SPG11: variants seen among roughly 807,000 people sequenced by gnomAD.
SPG11 encodes the protein SPG11 vesicle trafficking associated, spatacsin.
SPG11 carries 222 observed loss-of-function variants against 274.0 expected under a neutral mutation model. The observed-to-expected ratio is 0.81, with a 90% CI of 0.73 to 0.91. SPG11 has a LOEUF of 0.91. Among genes scored for constraint, SPG11 ranks in the 40% least tolerant of loss-of-function variants. SPG11 has a pLI of 0.00. For missense variants in SPG11, 3,114 were observed against 2,872.7 expected (o/e 1.08, Z -1.92); for synonymous variants, 1,144 against 1,039.7 (o/e 1.10, Z -1.93).
intron 29 of SPG11, 101 bp from the exon 30 acceptor site, chr15:44,584,659 C>T (rs537390318): frequency 7.2e-7 from 1 of 1,385,002 alleles, no homozygotes; most frequent in East Asian, 2.3e-5. Flanking sequence ...GACAGGGTCT[C>T]AGTCTGTCAC....
At chr15:44,637,783 C>T (rs146015314) in intron 7 of SPG11, among the ~76,000 whole-genome samples, 5 of 152,238 alleles carry the variant, frequency 3.3e-5, no homozygotes, top group African/African-American at 9.6e-5. Flanking sequence ...GCTATACTTT[C>T]GTTATTTTAG....
At chr15:44,656,332 GA>G (rs1024051816) in intron 4 of SPG11, among the ~76,000 whole-genome samples, 2 of 152,132 alleles carry the variant, frequency 1.3e-5, no homozygotes, top group African/African-American at 4.8e-5. Context: ...TGTGAAGGCA[GA>G]AAAAAAGATT....
chr15:44,658,340 T>A (rs1730913906), intron 3 of SPG11, among the ~76,000 whole-genome samples: 2 of 152,176 alleles, frequency 1.3e-5, no homozygotes, highest in African/African-American at 4.8e-5. Context: ...AAAGAACCCA[T>A]AATATTTTCT....
chr15:44,648,974 T>C lies in SPG11; in HGVS notation c.1494A>G (p.Gln498=), dbSNP rs760202776. The change falls in exon 7 of 40, where the codon CAA becomes CAG. Residue 498 remains glutamine (Q), a synonymous_variant. Transcript: ENST00000261866. ...TCATGAGTCTGTTTAAAAACTCTTC[T>C]TGAGTCAAACCAAACAAAATCAGAG... ...GLSLILFGLT[Q]EEFLNRLMIH... The C allele has an allele frequency of 6.2e-6, 10 of 1,613,904 alleles. No individual in the cohort carries two copies. Among genetic ancestry groups the C allele is most frequent in the Non-Finnish European group, 8.5e-6 (10 of 1,179,922 alleles).
rs756631982 is a variant in SPG11, at chr15:44,663,659, G to A, written c.-12C>T. ...TCCTCTGCAGCCATCTTGGCCCGGC[G>A]GTTACTTCCGGTCACTTTCGCCGGA... On this transcript the variant is annotated 5_prime_UTR_variant, in exon 1 of 40. Transcript: ENST00000261866. The A allele has an allele frequency of 2.2e-5, 35 of 1,586,162 alleles. No homozygotes were observed. In the South Asian group the frequency reaches 2.8e-4, roughly 13 times the overall value.
At position 44,595,128 on chromosome 15, in the gene SPG11, C is replaced by A. The variant is rs913176416; in HGVS notation, c.4635+131G>T. On this transcript the variant is annotated intron_variant, in intron 26 of 39. Coordinates refer to ENST00000261866, the MANE Select transcript of SPG11 (RefSeq NM_025137.4). The stretch of plus-strand genomic sequence containing the variant: ...CACTGCGCCTGGCCAGTAAGTGGTA[C>A]TTCTAATATTATCATCATTATCTGT... 86 of 929,000 alleles carry A rather than the reference C, an allele frequency of 9.3e-5. No individual in the cohort carries two copies. The Middle Eastern group carries it at 1.9e-3, about 21-fold the overall frequency. 57.5% of individuals were successfully genotyped at this position (929,000 alleles called of 1,614,324 possible). A position where few individuals can be genotyped will look rare whatever the true frequency, so the allele number is the denominator to read the frequency against.
At chr15:44,628,404 G>A (rs2083962910) in intron 10 of SPG11, among the ~76,000 whole-genome samples, 1 of 152,234 alleles carries the variant, frequency 6.6e-6, no homozygotes, top group Non-Finnish European at 1.5e-5. Context: ...CTTCACATGG[G>A]TTTAGAGTTG....
chr15:44,577,495 C>G (rs1298854324), intron 30 of SPG11, among the ~76,000 whole-genome samples: 3 of 133,578 alleles, frequency 2.2e-5, no homozygotes, highest in Non-Finnish European at 4.9e-5. Context: ...AGAGTGAGGC[C>G]CTATCTCAAA....
chr15:44,588,748 A>C (rs549631193), intron 28 of SPG11: 1 of 341,288 alleles, frequency 2.9e-6, no homozygotes, highest in East Asian at 8.9e-5. Context: ...CCGCGGGTAC[A>C]TAATTGCTCT....
At chr15:44,598,866 A>G in intron 21 of SPG11, 30 bp from the exon 22 acceptor site, 1 of 1,601,310 alleles carries the variant, frequency 6.2e-7, no homozygotes, top group Non-Finnish European at 8.6e-7. Context: ...AAATCACATC[A>G]GCACATGAAA....
At chr15:44,641,352 G>C (rs1223805526) in intron 7 of SPG11, among the ~76,000 whole-genome samples, 1 of 151,780 alleles carries the variant, frequency 6.6e-6, no homozygotes, top group Non-Finnish European at 1.5e-5. Context: ...AGTCATAAAG[G>C]AAAAGACTGA....
chr15:44,601,593 G>A (rs927295866), intron 20 of SPG11, among the ~76,000 whole-genome samples: 5 of 145,258 alleles, frequency 3.4e-5, no homozygotes, highest in Non-Finnish European at 6.0e-5. Flanking sequence ...AATCTTGCTC[G>A]GCTGTCTAGG....
chr15:44,651,561 A>G lies in SPG11; in HGVS notation c.1386T>C (p.Cys462=). ...GAATACACTTTGTGCCAAGGGAAAAACACTGCATGCCCTGGGTCTCCAAAT... is the reference window on the plus strand; with the variant it reads ...GAATACACTTTGTGCCAAGGGAAAAGCACTGCATGCCCTGGGTCTCCAAAT... ...LWDLETQGMQ[C]FSLGTKCIPV... is the part of the protein sequence containing the mutation. Residue 462 remains cysteine, a synonymous_variant, in exon 6 of 40, where the codon TGT becomes TGC. Transcript: ENST00000261866. The G allele has an allele frequency of 6.2e-7, 1 of 1,614,174 alleles. No homozygotes were observed. Among genetic ancestry groups the G allele is most frequent in the Non-Finnish European group, 8.5e-7 (1 of 1,180,012 alleles).
rs376136484 is a variant in SPG11, at chr15:44,663,656, G to C, written c.-9C>G. On this transcript the variant is annotated 5_prime_UTR_variant, in exon 1 of 40. Coordinates refer to ENST00000261866, the MANE Select transcript of SPG11 (RefSeq NM_025137.4). ...CCTTCCTCTGCAGCCATCTTGGCCC[G>C]GCGGTTACTTCCGGTCACTTTCGCC... is the stretch of plus-strand genomic sequence containing the variant. The C allele has an allele frequency of 3.8e-6, 6 of 1,588,816 alleles. No homozygotes were observed. The highest frequency in any genetic ancestry group is 1.7e-4 in the Middle Eastern group (1 of 6,046).
chr15:44,643,659 C>T (rs77168877), intron 7 of SPG11, among the ~76,000 whole-genome samples: 2,207 of 152,130 alleles, frequency 0.015, 56 homozygotes, highest in East Asian at 0.097. Context: ...AAATGACCCC[C>T]TCATCCCCCC....
chr15:44,645,507 T>C (rs2084581294), intron 7 of SPG11, among the ~76,000 whole-genome samples: 1 of 152,054 alleles, frequency 6.6e-6, no homozygotes, highest in African/African-American at 2.4e-5. Context: ...CCTAAAACTA[T>C]AAAAACCCTG....
At chr15:44,641,922 G>GA (rs71111874) in intron 7 of SPG11, among the ~76,000 whole-genome samples, 3,683 of 55,856 alleles carry the variant, frequency 0.066, 160 homozygotes, top group African/African-American at 0.15. Flanking sequence ...CTGCTTAACA[G>GA]AAAAAAAAAA....
At chr15:44,662,140 A>C (rs2085128013) in intron 1 of SPG11, among the ~76,000 whole-genome samples, 1 of 152,226 alleles carries the variant, frequency 6.6e-6, no homozygotes, top group Non-Finnish European at 1.5e-5. Context: ...AAACTAGTTT[A>C]TAAATAACTT....
Position 44,598,739 on chromosome 15 carries a change from C to T in SPG11, c.3784G>A (p.Gly1262Ser). 6.2e-7 allele frequency: 1 copy of T among 1,614,144 alleles called. No individual in the cohort carries two copies. The highest frequency in any genetic ancestry group is 8.5e-7 in the Non-Finnish European group (1 of 1,180,040). The change falls in exon 22 of 40, where the codon GGC becomes AGC. Residue 1262 changes from glycine to serine, a missense_variant. By Grantham distance (56) the Gly-to-Ser change is moderately conservative. Coordinates refer to ENST00000261866, the MANE Select transcript of SPG11 (RefSeq NM_025137.4). ...AACVCFLELL[G>S]LDSLKLRVDM... ...ACTCTGAGCTTGAGGCTGTCAAGGC[C>T]AAGCAATTCTAAGAAACAAACACAT...
Sources: allele counts gnomAD v4.1 joint callset (sites outside exome capture counted in the v4.1 genomes callset), GRCh38; gene constraint gnomAD v4.1.1; transcripts MANE v1.5; gene names NCBI Gene and HGNC (gene_info 2026-07-23, HGNC 2026-07-21).